Variants in TRPM6 observed in about 807,000 individuals in gnomAD.
The protein encoded by TRPM6 is channel kinase 2.
In TRPM6, 111 loss-of-function variants were observed where a neutral mutation model predicts 247.6. That is an observed-to-expected ratio of 0.45 (90% CI 0.38 to 0.52). The LOEUF (loss-of-function observed/expected upper bound fraction) is 0.52, where lower values mean the gene tolerates loss of function less well. Among genes scored for constraint, TRPM6 ranks in the 20% least tolerant of loss-of-function variants. TRPM6 has a pLI of 0.00. For missense variants in TRPM6, 2,126 were observed against 2,421.5 expected, an observed-to-expected ratio of 0.88 and a Z score of 2.56; for synonymous variants, 892 against 853.8, an observed-to-expected ratio of 1.04 and a Z score of -0.78.
chr9:74,874,558 G>A (rs1210661731), intron 1 of TRPM6, among the ~76,000 whole-genome samples: 1 of 152,142 alleles, frequency 6.6e-6, no homozygotes, highest in Non-Finnish European at 1.5e-5. Flanking sequence ...ACTGGGTTTT[G>A]ATGCTGAAGA....
intron 23 of TRPM6, among the ~76,000 whole-genome samples, chr9:74,780,840 C>T (rs1370880305): frequency 6.6e-6 from 1 of 151,966 alleles, no homozygotes; most frequent in Non-Finnish European, 1.5e-5. Context: ...GTAAGAAGGA[C>T]TACTTAGTTT....
Position 74,722,654 on chromosome 9 carries a change from T to G in TRPM6, c.*1959A>C, listed in dbSNP as rs1358280051. On this transcript the variant is annotated 3_prime_UTR_variant, in exon 39 of 39. Coordinates refer to ENST00000360774, the MANE Select transcript of TRPM6 (RefSeq NM_017662.5). ...AGGTGAGTACCAATTGTTCCTTTAC[T>G]GACTTGTAGAATAGGATAAAGTTGT... 6.6e-6 allele frequency: 1 copy of G among 152,254 alleles called. No individual in the cohort carries two copies. Among genetic ancestry groups the G allele is most frequent in the Non-Finnish European group, 1.5e-5 (1 of 68,042 alleles). The allele number at this position is 152,254 out of a possible 1,614,324, so 9.4% of individuals were successfully genotyped here.
rs959842003 is a variant in TRPM6, at chr9:74,796,831, C to A, written c.2301G>T (p.Glu767Asp). 6.2e-7 allele frequency: 1 copy of A among 1,613,786 alleles called. No homozygotes were observed. The highest frequency in any genetic ancestry group is 8.5e-7 in the Non-Finnish European group (1 of 1,179,764). The change falls in exon 18 of 39, where the codon GAG becomes GAT. Residue 767 changes from glutamate (E) to aspartate (D), a missense_variant. Physicochemically the swap from Glu to Asp is conservative, Grantham distance 45. Around this residue, in one of 3 missense-constraint regions of TRPM6, gnomAD observed 1,082 missense variants for 1,307.9 expected, o/e 0.83. Transcript: ENST00000360774. The part of the protein sequence containing the change: ...ILTLEFKSKA[E>D]MSHVPQSQDF... ...CCTGGGACTGGGGAACATGTGACAT[C>A]TCAGCTTTGCTTTTAAATTCCAGTG...
At chr9:74,846,768 T>G (rs1360092465) in intron 3 of TRPM6, among the ~76,000 whole-genome samples, 1 of 152,128 alleles carries the variant, frequency 6.6e-6, no homozygotes, top group African/African-American at 2.4e-5. Context: ...AGGCTGGCCT[T>G]GAACTGCTGA....
intron 31 of TRPM6, among the ~76,000 whole-genome samples, chr9:74,745,721 A>G (rs1348288693): frequency 2.0e-5 from 3 of 152,168 alleles, no homozygotes; most frequent in African/African-American, 7.2e-5. Context: ...AGTGAAATGC[A>G]CTGACAGAAA....
intron 6 of TRPM6, among the ~76,000 whole-genome samples, chr9:74,830,147 C>CA (rs1241649934): frequency 2.6e-5 from 4 of 151,712 alleles, no homozygotes; most frequent in South Asian, 2.1e-4. Context: ...CAAAACAAAA[C>CA]AAAAAAACTT....
intron 37 of TRPM6, among the ~76,000 whole-genome samples, chr9:74,729,877 A>G (rs1825463870): frequency 6.6e-6 from 1 of 152,046 alleles, no homozygotes; most frequent in Admixed American, 6.6e-5. Context: ...AAACATAAAA[A>G]CCCCCAACTT....
In TRPM6 at chr9:74,724,554, G is replaced by T. The variant is rs374032076; in HGVS notation, c.*59C>A. The T allele has an allele frequency of 1.2e-6, 2 of 1,612,198 alleles. No homozygotes were observed. Among genetic ancestry groups the T allele is most frequent in the Non-Finnish European group, 1.7e-6 (2 of 1,178,780 alleles). On this transcript the variant is annotated 3_prime_UTR_variant, in exon 39 of 39. Coordinates refer to ENST00000360774, the MANE Select transcript of TRPM6 (RefSeq NM_017662.5). ...ATCAACATCACGTTGATCAATCTATGTTATCACAGAGTTCCTGGCAGGCAG... is the reference window on the plus strand; with the variant it reads ...ATCAACATCACGTTGATCAATCTATTTTATCACAGAGTTCCTGGCAGGCAG...
At chr9:74,878,684 C>A (rs753007191) in intron 1 of TRPM6, among the ~76,000 whole-genome samples, 1 of 152,108 alleles carries the variant, frequency 6.6e-6, no homozygotes, top group Non-Finnish European at 1.5e-5. Flanking sequence ...ATGCCACATG[C>A]ACAGATATCA....
In TRPM6 at chr9:74,849,078, G is replaced by A. The variant is rs764783354; in HGVS notation, c.152+6449C>T. Among the ~76,000 whole-genome samples, 4 of 152,244 alleles carry A rather than the reference G, an allele frequency of 2.6e-5. 1 individual carries two copies. The highest frequency in any genetic ancestry group is 4.1e-4 in the South Asian group (2 of 4,822). On this transcript the variant is annotated intron_variant, in intron 3 of 38. Transcript: ENST00000360774. ...AGTTTAGTTAAATTCAGCAGGGCAC[G>A]GTGTCTCACGCCTTTCATCCCAGCA...
At chr9:74,876,232 C>T (rs369652460) in intron 1 of TRPM6, among the ~76,000 whole-genome samples, 4 of 152,248 alleles carry the variant, frequency 2.6e-5, no homozygotes, top group Admixed American at 2.0e-4. Context: ...TACAGGCATG[C>T]GCCACCATGC....
intron 1 of TRPM6, among the ~76,000 whole-genome samples, chr9:74,860,097 A>T (rs1437083880): frequency 6.6e-6 from 1 of 152,230 alleles, no homozygotes; most frequent in South Asian, 2.1e-4. Flanking sequence ...GACTTTTTTA[A>T]GTAAAATAGA....
At chr9:74,778,658 G>A (rs2118907300) in intron 23 of TRPM6, among the ~76,000 whole-genome samples, 1 of 152,292 alleles carries the variant, frequency 6.6e-6, no homozygotes, top group Non-Finnish European at 1.5e-5. Flanking sequence ...ACTTCTTTCA[G>A]TGGTGGCCAA....
At chr9:74,750,531 C>T in intron 30 of TRPM6, 133 bp downstream of exon 30, 1 of 835,234 alleles carries the variant, frequency 1.2e-6, no homozygotes, top group South Asian at 1.5e-5. Flanking sequence ...ATTCTGCTAA[C>T]AAGAGAAAAG....
rs941068708 is a variant in TRPM6, at chr9:74,872,147, C to T, written c.34-13399G>A. 2.6e-5 allele frequency among the ~76,000 whole-genome samples: 4 copies of T among 152,042 alleles called. No individual in the cohort carries two copies. The South Asian group carries it at 8.3e-4, about 32-fold the overall frequency. ...GGATTACAGGTGTCAGCCACCATGCCTGGCTGCAACTTTTTAAAAATAGTG... is the reference window on the plus strand; with the variant it reads ...GGATTACAGGTGTCAGCCACCATGCTTGGCTGCAACTTTTTAAAAATAGTG... On this transcript the variant is annotated intron_variant, in intron 1 of 38. Coordinates refer to ENST00000360774, the MANE Select transcript of TRPM6 (RefSeq NM_017662.5).
chr9:74,802,910 C>T (rs1415942657), intron 15 of TRPM6, among the ~76,000 whole-genome samples: 4 of 152,148 alleles, frequency 2.6e-5, no homozygotes, highest in South Asian at 2.1e-4. Flanking sequence ...TACTGCACTA[C>T]GGTTATGACT....
chr9:74,864,469 C>A (rs1249466888), intron 1 of TRPM6, among the ~76,000 whole-genome samples: 1 of 152,182 alleles, frequency 6.6e-6, no homozygotes, highest in Non-Finnish European at 1.5e-5. Context: ...AGAAAAACAG[C>A]ATCCAGGCTA....
intron 17 of TRPM6, among the ~76,000 whole-genome samples, chr9:74,798,489 C>T (rs1828182099): frequency 6.6e-6 from 1 of 152,120 alleles, no homozygotes; most frequent in Admixed American, 6.5e-5. Flanking sequence ...TAGACAACTT[C>T]CTGAAGAGGC....
chr9:74,782,954 A>G, intron 21 of TRPM6, 101 bp from the exon 22 acceptor site: 1 of 1,157,822 alleles, frequency 8.6e-7, no homozygotes, highest in Non-Finnish European at 1.3e-6. Context: ...AAATAATAAG[A>G]TTGTCTAGTC....
Sources: allele counts gnomAD v4.1 joint callset (sites outside exome capture counted in the v4.1 genomes callset), GRCh38; gene constraint gnomAD v4.1.1; regional missense constraint gnomAD v4.1.1; transcripts MANE v1.5; gene names NCBI Gene and HGNC (gene_info 2026-07-23, HGNC 2026-07-21).